Variants in NFIC observed in about 807,000 individuals in gnomAD.
NFIC encodes nuclear factor 1 C-type.
NFIC carries 12 observed loss-of-function variants against 54.4 expected under a neutral mutation model. That is an observed-to-expected ratio of 0.22 (90% CI 0.14 to 0.36). NFIC has a LOEUF of 0.36. Among genes scored for constraint, NFIC ranks in the 10% least tolerant of loss-of-function variants. The probability of loss-of-function intolerance (pLI) is 1.00; values close to 1 mark genes in which losing one functional copy is unlikely to be tolerated. For missense variants in NFIC, 575 were observed against 718.2 expected, an observed-to-expected ratio of 0.80 and a Z score of 2.28; for synonymous variants, 322 against 319.2, an observed-to-expected ratio of 1.01 and a Z score of -0.09.
chr19:3,405,118 G>A (rs1295712575), intron 2 of NFIC, among the ~76,000 whole-genome samples: 1 of 152,252 alleles, frequency 6.6e-6, no homozygotes, highest in Admixed American at 6.5e-5. Flanking sequence ...AAGTGATTCC[G>A]AAGCAGGTTG....
intron 2 of NFIC, among the ~76,000 whole-genome samples, chr19:3,397,433 A>G (rs4806928): frequency 0.29 from 43,960 of 152,142 alleles, 9,228 homozygotes; most frequent in African/African-American, 0.59. Context: ...GAGCAGCTTC[A>G]GGGCTGCAGC....
rs532201130 is a variant in NFIC, at chr19:3,442,997, C to A, written c.959-6017C>A. ...CTAGGGACATCTGTGGTTGTCACAA[C>A]TGGGAGAGCTCTTGACATGGAGTGG... On this transcript the variant is annotated intron_variant, in intron 6 of 10. Coordinates refer to ENST00000443272, the MANE Select transcript of NFIC (RefSeq NM_001245002.2). Among the ~76,000 whole-genome samples the A allele has an allele frequency of 2.2e-4, 34 of 152,366 alleles. 1 individual carries two copies. Among genetic ancestry groups the A allele is most frequent in the Admixed American group, 2.1e-3 (32 of 15,310 alleles).
intron 3 of NFIC, among the ~76,000 whole-genome samples, chr19:3,433,118 C>T (rs2082147278): frequency 1.3e-5 from 2 of 152,162 alleles, no homozygotes; most frequent in Non-Finnish European, 2.9e-5. Context: ...GCACGGACCA[C>T]AACACCTGGC....
At chr19:3,437,625 G>A (rs1328210671) in intron 6 of NFIC, among the ~76,000 whole-genome samples, 1 of 134,432 alleles carries the variant, frequency 7.4e-6, no homozygotes, top group Non-Finnish European at 1.5e-5. Flanking sequence ...AACAGAACGA[G>A]ACTATGTCTC....
chr19:3,450,915 G>A (rs191697600), intron 7 of NFIC, among the ~76,000 whole-genome samples: 26 of 152,306 alleles, frequency 1.7e-4, no homozygotes, highest in Admixed American at 1.1e-3. Context: ...CCACGACCAC[G>A]TCTTTGTATA....
intron 2 of NFIC, among the ~76,000 whole-genome samples, chr19:3,409,506 C>A (rs1205939567): frequency 6.6e-6 from 1 of 152,140 alleles, no homozygotes; most frequent in Non-Finnish European, 1.5e-5. Context: ...TCTCTGCCAT[C>A]CCCCCAAGGC....
At chr19:3,454,156 C>G in intron 9 of NFIC, 1 of 1,276,560 alleles carries the variant, frequency 7.8e-7, no homozygotes, top group South Asian at 2.8e-5. Context: ...CTGTCCCCTT[C>G]GCCGAGTCAC....
At chr19:3,416,328 TATAC>T (rs2081853834) in intron 2 of NFIC, among the ~76,000 whole-genome samples, 1 of 149,298 alleles carries the variant, frequency 6.7e-6, no homozygotes, top group Admixed American at 6.8e-5. Context: ...TAATATATAT[TATAC>T]ATAGGTATAT....
In NFIC at chr19:3,380,295, T is replaced by C. The variant is rs553595523; in HGVS notation, c.31-1417T>C. Among the ~76,000 whole-genome samples the C allele has an allele frequency of 2.9e-3, 394 of 137,412 alleles. 2 individuals are homozygous for C. The highest frequency in any genetic ancestry group is 6.5e-3 in the African/African-American group (234 of 36,254). The allele number at this position is 137,412 out of a possible 152,430, so 90.1% of individuals were successfully genotyped here. On this transcript the variant is annotated intron_variant, in intron 1 of 10. Coordinates refer to ENST00000443272, the MANE Select transcript of NFIC (RefSeq NM_001245002.2). ...CTGGGATTACAAGCGTGAGCCACCG[T>C]GCCCAGCCTTGTTCTTTTTTTTTTT...
At chr19:3,416,744 G>A (rs1024070296) in intron 2 of NFIC, among the ~76,000 whole-genome samples, 2 of 151,494 alleles carry the variant, frequency 1.3e-5, no homozygotes, top group African/African-American at 2.4e-5. Context: ...GGCTGCTCTC[G>A]AACTCCTGAC....
intron 1 of NFIC, chr19:3,359,721 G>A: frequency 2.1e-6 from 3 of 1,422,532 alleles, no homozygotes; most frequent in Non-Finnish European, 2.8e-6. Flanking sequence ...TTCGCCCGGG[G>A]ACTTTTTGGG....
At chr19:3,405,307 C>T (rs1462700780) in intron 2 of NFIC, among the ~76,000 whole-genome samples, 1 of 152,220 alleles carries the variant, frequency 6.6e-6, no homozygotes, top group Non-Finnish European at 1.5e-5. Flanking sequence ...ATTTTCCTCC[C>T]TGTCCCTGGG....
chr19:3,457,880 C>CCT (rs1236083311), intron 10 of NFIC: 1 of 152,264 alleles, frequency 6.6e-6, no homozygotes, highest in Non-Finnish European at 1.5e-5. Context: ...CCTCTCTTCC[C>CCT]AGGCTCCGCA....
chr19:3,416,356 A>T (rs1415564931), intron 2 of NFIC, among the ~76,000 whole-genome samples: 1 of 149,748 alleles, frequency 6.7e-6, no homozygotes, highest in Admixed American at 6.7e-5. Context: ...GTATAACTAT[A>T]TGTCATATAG....
intron 3 of NFIC, among the ~76,000 whole-genome samples, chr19:3,429,064 C>T (rs369431609): frequency 6.6e-6 from 1 of 150,998 alleles, no homozygotes; most frequent in Non-Finnish European, 1.5e-5. Flanking sequence ...GCGGGAGGAT[C>T]GCTTGAGCCC....
rs1026849529 is a variant in NFIC, at chr19:3,376,821, C to T, written c.31-4891C>T. On this transcript the variant is annotated intron_variant, in intron 1 of 10. Coordinates refer to ENST00000443272, the MANE Select transcript of NFIC (RefSeq NM_001245002.2). Reference sequence around the variant, plus strand: ...TTGGCTCACTGCAACCTCTGCCTCCCGGGTTCAAGTGATTCTCCTGCCTTA... The same window carrying T: ...TTGGCTCACTGCAACCTCTGCCTCCTGGGTTCAAGTGATTCTCCTGCCTTA... 1.4e-4 allele frequency among the ~76,000 whole-genome samples: 21 copies of T among 152,134 alleles called. No individual in the cohort carries two copies. The East Asian group carries it at 1.6e-3, about 11-fold the overall frequency.
Position 3,464,526 on chromosome 19 carries a change from G to GGGCGCCCC in NFIC, c.*1757_*1758insGGCGCCCC. 1 of 935,206 alleles carries GGGCGCCCC rather than the reference G, an allele frequency of 1.1e-6. No individual in the cohort carries two copies. The highest frequency in any genetic ancestry group is 5.0e-5 in the South Asian group (1 of 20,074). The allele number at this position is 935,206 out of a possible 1,614,324, so 57.9% of individuals were successfully genotyped here. A position where few individuals can be genotyped will look rare whatever the true frequency, so the allele number is the denominator to read the frequency against. On this transcript the variant is annotated 3_prime_UTR_variant, in exon 11 of 11. Transcript: ENST00000443272. ...GCTCAAACACAAGGACCCCTCCCCG[G>GGGCGCCCC]CCCACCCAGCCCAGCCCCAACTGAC...
intron 2 of NFIC, among the ~76,000 whole-genome samples, chr19:3,399,477 G>A (rs375514738): frequency 6.6e-6 from 1 of 152,164 alleles, no homozygotes; most frequent in African/African-American, 2.4e-5. Context: ...TCGAGAGGTC[G>A]CGGCAGGAGG....
chr19:3,372,000 T>TCTCTCTCTCTCC (rs2081027858), intron 1 of NFIC, among the ~76,000 whole-genome samples: 1 of 41,032 alleles, frequency 2.4e-5, no homozygotes. Flanking sequence ...TCTCTCTCCC[T>TCTCTCTCTCTCC]CTCTCTCTCT....
Sources: gnomAD v4.1 joint callset for allele counts (sites outside exome capture counted in the v4.1 genomes callset) on GRCh38, gnomAD v4.1.1 for gene constraint, MANE v1.5 for transcripts, NCBI Gene and HGNC (gene_info 2026-07-23, HGNC 2026-07-21) for gene names.